Variants in IKZF2 observed in about 807,000 individuals in gnomAD.
IKZF2 encodes the protein zinc finger protein Helios.
In IKZF2, 15 loss-of-function variants were observed where a neutral mutation model predicts 49.2. That is an observed-to-expected ratio of 0.30 (90% CI 0.20 to 0.47). IKZF2 has a LOEUF of 0.47. Ranked by LOEUF, IKZF2 falls within the 20% of genes least tolerant of loss-of-function variation. IKZF2 has a pLI of 1.00. For missense variants in IKZF2, 567 were observed against 664.6 expected (o/e 0.85, Z 1.61); for synonymous variants, 227 against 221.4 (o/e 1.03, Z -0.23).
At chr2:213,033,603 A>G (rs559954677) in intron 6 of IKZF2, among the ~76,000 whole-genome samples, 11 of 152,342 alleles carry the variant, frequency 7.2e-5, no homozygotes, top group South Asian at 6.2e-4. Context: ...GACAAGGTAC[A>G]TTGTCAATGA....
chr2:213,117,910 C>A (rs1428564166), intron 4 of IKZF2, among the ~76,000 whole-genome samples: 1 of 152,112 alleles, frequency 6.6e-6, no homozygotes, highest in Non-Finnish European at 1.5e-5. Flanking sequence ...CATTCTTTAA[C>A]CCCTTCATTT....
chr2:213,015,783 A>C (rs927535684), intron 7 of IKZF2, among the ~76,000 whole-genome samples: 3 of 152,076 alleles, frequency 2.0e-5, no homozygotes, highest in African/African-American at 4.8e-5. Context: ...GCAAGAAAAA[A>C]AAAATGTTGT....
intron 4 of IKZF2, among the ~76,000 whole-genome samples, chr2:213,142,230 C>G (rs865911057): frequency 6.6e-6 from 1 of 151,938 alleles, no homozygotes; most frequent in Admixed American, 6.6e-5. Context: ...GCGCCACCCC[C>G]CTCCCCAATT....
Position 213,013,850 on chromosome 2 carries a change from A to G in IKZF2, c.797T>C (p.Ile266Thr). 1.2e-6 allele frequency: 2 copies of G among 1,612,140 alleles called. No individual in the cohort carries two copies. Among genetic ancestry groups the G allele is most frequent in the Non-Finnish European group, 1.7e-6 (2 of 1,178,582 alleles). ...SLVPFERPAV[I>T]EKLTGNMGKR... ...TCCCATATTCCCCGTGAGCTTCTCT[A>G]TGACAGCAGGTCTCTCAAAAGGCAC... is the stretch of plus-strand genomic sequence containing the variant. Residue 266 changes from isoleucine (I) to threonine (T), a missense_variant, in exon 8 of 9, where the codon ATA (isoleucine) becomes ACA (threonine). Physicochemically the swap from Ile to Thr is moderately conservative, Grantham distance 89. Around this residue, in one of 5 missense-constraint regions of IKZF2, gnomAD observed 310 missense variants for 326.9 expected, o/e 0.95. Coordinates refer to ENST00000434687, the MANE Select transcript of IKZF2 (RefSeq NM_001387220.1).
At chr2:213,055,655 T>C (rs1701075006) in intron 5 of IKZF2, among the ~76,000 whole-genome samples, 1 of 152,054 alleles carries the variant, frequency 6.6e-6, no homozygotes, top group Non-Finnish European at 1.5e-5. Flanking sequence ...ATAGTGTGTC[T>C]GAACAAAACC....
At chr2:213,088,534 G>A (rs1027996072) in intron 4 of IKZF2, among the ~76,000 whole-genome samples, 17 of 152,208 alleles carry the variant, frequency 1.1e-4, no homozygotes, top group Admixed American at 1.1e-3. Context: ...TGAGGCAGGG[G>A]GATCATTTGA....
At chr2:213,074,937 C>T (rs150274317) in intron 4 of IKZF2, among the ~76,000 whole-genome samples, 118 of 152,210 alleles carry the variant, frequency 7.8e-4, no homozygotes, top group Non-Finnish European at 1.3e-3. Context: ...CCTGAAAAGG[C>T]GGTTTGTTTT....
chr2:213,064,315 T>C (rs2125436750), intron 4 of IKZF2, among the ~76,000 whole-genome samples: 1 of 152,178 alleles, frequency 6.6e-6, no homozygotes, highest in Middle Eastern at 3.4e-3. Context: ...ATTATTGATA[T>C]AAAGATAAAT....
intron 4 of IKZF2, among the ~76,000 whole-genome samples, chr2:213,136,251 A>G (rs2060659451): frequency 6.7e-6 from 1 of 149,430 alleles, no homozygotes; most frequent in African/African-American, 2.5e-5. Context: ...GGCGCCTGTA[A>G]TCCCAGCTAC....
chr2:213,055,500 T>G (rs1397015415), intron 5 of IKZF2, among the ~76,000 whole-genome samples: 2 of 152,118 alleles, frequency 1.3e-5, no homozygotes. Flanking sequence ...ATGATTGGAA[T>G]AAGTATATAT....
At chr2:213,033,310 C>T (rs1004655356) in intron 6 of IKZF2, among the ~76,000 whole-genome samples, 10 of 152,222 alleles carry the variant, frequency 6.6e-5, no homozygotes, top group Non-Finnish European at 1.3e-4. Flanking sequence ...TCAACTTTTT[C>T]CCAACTCCTG....
intron 4 of IKZF2, among the ~76,000 whole-genome samples, chr2:213,123,102 G>A (rs886594119): frequency 2.0e-5 from 3 of 152,146 alleles, no homozygotes; most frequent in Non-Finnish European, 4.4e-5. Flanking sequence ...TATCCTCAGA[G>A]GAAGAAATGT....
chr2:213,061,676 T>C (rs1701709015), intron 4 of IKZF2, among the ~76,000 whole-genome samples: 1 of 151,476 alleles, frequency 6.6e-6, no homozygotes, highest in South Asian at 2.1e-4. Flanking sequence ...AGTAAATATT[T>C]ATTAAGTATC....
chr2:213,104,478 T>G (rs1291178886), intron 4 of IKZF2, among the ~76,000 whole-genome samples: 3 of 152,148 alleles, frequency 2.0e-5, no homozygotes, highest in Non-Finnish European at 2.9e-5. Context: ...TGTACTACTT[T>G]CACCTCAACC....
chr2:213,152,158 G>A (rs564914621), upstream of IKZF2: 2 of 152,370 alleles, frequency 1.3e-5, no homozygotes, highest in East Asian at 3.9e-4. Flanking sequence ...GGAGCGGTGA[G>A]GTGACGTTCA....
At chr2:213,094,906 C>G (rs1705794987) in intron 4 of IKZF2, among the ~76,000 whole-genome samples, 1 of 152,040 alleles carries the variant, frequency 6.6e-6, no homozygotes, top group African/African-American at 2.4e-5. Context: ...GATTTCAAGT[C>G]TGAAGAACCA....
At chr2:213,015,787 A>G (rs1226819692) in intron 7 of IKZF2, among the ~76,000 whole-genome samples, 3 of 152,212 alleles carry the variant, frequency 2.0e-5, no homozygotes, top group Admixed American at 1.3e-4. Context: ...GAAAAAAAAA[A>G]TGTTGTTGTA....
chr2:213,032,435 C>T (rs973187154), intron 6 of IKZF2, among the ~76,000 whole-genome samples: 2 of 152,010 alleles, frequency 1.3e-5, no homozygotes, highest in Non-Finnish European at 2.9e-5. Flanking sequence ...TACTTTGCTG[C>T]TAAAAAATGC....
chr2:213,081,235 T>C (rs1016773884), intron 4 of IKZF2: 139 of 153,002 alleles, frequency 9.1e-4, no homozygotes, highest in African/African-American at 3.2e-3. Context: ...CAAAGGTAGG[T>C]ACACTGAAAT....
Sources: gnomAD v4.1 joint callset for allele counts (sites outside exome capture counted in the v4.1 genomes callset) on GRCh38, gnomAD v4.1.1 for gene constraint, gnomAD v4.1.1 regional missense constraint, MANE v1.5 for transcripts, NCBI Gene and HGNC (gene_info 2026-07-23, HGNC 2026-07-21) for gene names.